Variants in CR1L observed in about 807,000 individuals in gnomAD.
The protein encoded by CR1L is complement component receptor 1-like protein.
A neutral mutation model predicts 62.3 loss-of-function variants in CR1L; 59 were observed. The ratio of observed to expected loss-of-function variants is 0.95; its 90% CI spans 0.77 to 1.18. The LOEUF (loss-of-function observed/expected upper bound fraction) is 1.18, where lower values mean the gene tolerates loss of function less well. Ranked by LOEUF, CR1L falls within the 50% of genes most tolerant of loss-of-function variation. The pLI is 0.00. For missense variants in CR1L, 700 were observed against 702.8 expected, an observed-to-expected ratio of 1.00 and a Z score of 0.04; for synonymous variants, 279 against 248.7, an observed-to-expected ratio of 1.12 and a Z score of -1.15.
chr1:207,653,723 TA>T (rs1297077129), intron 1 of CR1L, among the ~76,000 whole-genome samples: 1 of 152,222 alleles, frequency 6.6e-6, no homozygotes, highest in Non-Finnish European at 1.5e-5. Flanking sequence ...TTTAAAGTCA[TA>T]GATATTGGGG....
rs1023514242 is a variant in CR1L, at chr1:207,710,595, T to C, written c.1414+2332T>C. On this transcript the variant is annotated intron_variant, in intron 10 of 11. Coordinates refer to ENST00000508064, the MANE Select transcript of CR1L (RefSeq NM_175710.2). ...AGCGGCCCAGTCCCTCAGTGCATTATACCTAACAAATGCACACCTCCAAAT... is the reference window on the plus strand; with the variant it reads ...AGCGGCCCAGTCCCTCAGTGCATTACACCTAACAAATGCACACCTCCAAAT... The C allele has an allele frequency of 9.3e-6, 15 of 1,610,156 alleles. No homozygotes were observed. The Admixed American group carries it at 2.3e-4, about 25-fold the overall frequency.
intron 1 of CR1L, among the ~76,000 whole-genome samples, chr1:207,659,821 T>C (rs1249314101): frequency 2.0e-5 from 3 of 152,150 alleles, no homozygotes. Context: ...TTTCCCACAG[T>C]CTTCACAACC....
intron 9 of CR1L, among the ~76,000 whole-genome samples, chr1:207,707,936 C>T (rs958570839): frequency 6.6e-6 from 1 of 152,128 alleles, no homozygotes; most frequent in Non-Finnish European, 1.5e-5. Context: ...GTGCCAGGTA[C>T]AGTCCACAAT....
intron 4 of CR1L, among the ~76,000 whole-genome samples, chr1:207,687,651 T>C (rs943620413): frequency 3.3e-5 from 5 of 152,206 alleles, no homozygotes; most frequent in African/African-American, 1.2e-4. Context: ...GGAAGTCACT[T>C]TTGTTGCTGC....
rs148626585 is a variant in CR1L at position 207,663,048 on chromosome 1, C to T, written c.98-14341C>T. On this transcript the variant is annotated intron_variant, in intron 1 of 11. Coordinates refer to ENST00000508064, the MANE Select transcript of CR1L (RefSeq NM_175710.2). ...GTACCCGCTGTGTGAGGTGTCAGTC[C>T]GCCCCTACTGGGGGGTGCCTCCCAG... Among the ~76,000 whole-genome samples the T allele has an allele frequency of 6.1e-3, 930 of 152,250 alleles. 6 individuals are homozygous for T. The highest frequency in any genetic ancestry group is 0.021 in the African/African-American group (869 of 41,544).
At chr1:207,669,578 G>A in intron 1 of CR1L, 1 of 1,490,938 alleles carries the variant, frequency 6.7e-7, no homozygotes, top group East Asian at 2.4e-5. Flanking sequence ...GAAACGCTGG[G>A]GGGCGTGGGG....
intron 9 of CR1L, among the ~76,000 whole-genome samples, chr1:207,707,473 C>T (rs553657180): frequency 3.3e-4 from 50 of 152,062 alleles, no homozygotes; most frequent in African/African-American, 1.1e-3. Flanking sequence ...ACTAAAAATA[C>T]AAAAATTAGC....
rs1664155016 is a variant in CR1L at position 207,699,254 on chromosome 1, G to A, written c.1208G>A (p.Ser403Asn). 1.2e-6 allele frequency: 2 copies of A among 1,613,778 alleles called. No homozygotes were observed. The highest frequency in any genetic ancestry group is 1.7e-6 in the Non-Finnish European group (2 of 1,179,678). ...VLAGMESLWN[S>N]SVPVCERKSC... ...GCTGGAATGGAAAGCCTTTGGAATA[G>A]CAGTGTTCCAGTGTGTGAACGTAAG... Residue 403 changes from serine (S) to asparagine (N), a missense_variant, in exon 8 of 12, where the codon AGC (serine) becomes AAC (asparagine). Physicochemically the swap from Ser to Asn is conservative, Grantham distance 46. Coordinates refer to ENST00000508064, the MANE Select transcript of CR1L (RefSeq NM_175710.2).
At position 207,699,288 on chromosome 1, in the gene CR1L, G is replaced by T. The variant is rs1397565352; in HGVS notation, c.1228+14G>T. The T allele has an allele frequency of 4.3e-6, 7 of 1,613,498 alleles. No homozygotes were observed. The highest frequency in any genetic ancestry group is 5.9e-6 in the Non-Finnish European group (7 of 1,179,478). On this transcript the variant is annotated intron_variant, in intron 8 of 11. Coordinates refer to ENST00000508064, the MANE Select transcript of CR1L (RefSeq NM_175710.2). ...CAGTGTGTGAACGTAAGTAATAGGA[G>T]TAACATTTCAGGCCAATCTCTCCCC...
chr1:207,686,096 T>TTCCTCCCTCCCTCCCTCCC (rs1663900735), intron 4 of CR1L, among the ~76,000 whole-genome samples: 1 of 6,526 alleles, frequency 1.5e-4, no homozygotes. Flanking sequence ...TCCTCCCTCC[T>TTCCTCCCTCCCTCCCTCCC]TTCCTTCCTT....
chr1:207,720,088 G>A (rs907963178), intron 11 of CR1L, among the ~76,000 whole-genome samples: 56 of 152,200 alleles, frequency 3.7e-4, no homozygotes, highest in African/African-American at 1.3e-3. Context: ...GAATTAGAAT[G>A]GGCCAAATAA....
chr1:207,662,345 T>A (rs1663439277), intron 1 of CR1L, among the ~76,000 whole-genome samples: 1 of 152,206 alleles, frequency 6.6e-6, no homozygotes, highest in Admixed American at 6.5e-5. Flanking sequence ...TTTGTTCATT[T>A]CTTTTTATTC....
chr1:207,697,599 C>A lies in CR1L; in HGVS notation c.959C>A (p.Pro320His), dbSNP rs767267151. 6.2e-7 allele frequency: 1 copy of A among 1,613,774 alleles called. No homozygotes were observed. The highest frequency in any genetic ancestry group is 2.2e-5 in the East Asian group (1 of 44,892). Residue 320 changes from proline to histidine, a missense_variant, in exon 6 of 12, where the codon CCC (proline) becomes CAC (histidine). By Grantham distance (77) the Pro-to-His change is moderately conservative. Coordinates refer to ENST00000508064, the MANE Select transcript of CR1L (RefSeq NM_175710.2). ...CAGGAAGTGTTCTACAGCTGTGAGCCCGGCTACGACCTCAGAGGATCTACG... is the reference window on the plus strand; with the variant it reads ...CAGGAAGTGTTCTACAGCTGTGAGCACGGCTACGACCTCAGAGGATCTACG... ...PGQEVFYSCEPGYDLRGSTYL... is the reference protein window; with the variant it reads ...PGQEVFYSCEHGYDLRGSTYL...
At chr1:207,669,460 C>G in intron 1 of CR1L, 1 of 1,483,144 alleles carries the variant, frequency 6.7e-7, no homozygotes, top group Non-Finnish European at 9.3e-7. Flanking sequence ...GGTCTCTTCT[C>G]CGAGAAGCCG....
chr1:207,682,074 G>A (rs11801603), intron 3 of CR1L, among the ~76,000 whole-genome samples: 2,728 of 152,084 alleles, frequency 0.018, 71 homozygotes, highest in African/African-American at 0.061. Context: ...GCAGCAAACC[G>A]CCATGGCACA....
intron 1 of CR1L, chr1:207,669,275 T>G: frequency 1.9e-6 from 1 of 530,280 alleles, no homozygotes; most frequent in East Asian, 3.4e-5. Context: ...AACATGGCCT[T>G]GCCCATGAAG....
chr1:207,711,217 T>A (rs1450352992), intron 10 of CR1L: 1 of 216,376 alleles, frequency 4.6e-6, no homozygotes, highest in African/African-American at 2.3e-5. Context: ...ATAGCTGGCT[T>A]AGCAGCGGAG....
chr1:207,668,936 A>T (rs1663565070), intron 1 of CR1L, among the ~76,000 whole-genome samples: 2 of 150,920 alleles, frequency 1.3e-5, no homozygotes, highest in African/African-American at 2.5e-5. Flanking sequence ...AAAATCTTAC[A>T]ATGGCATGAC....
chr1:207,694,798 G>T (rs1339895283), intron 5 of CR1L, 47 bp downstream of exon 5: 1 of 1,611,414 alleles, frequency 6.2e-7, no homozygotes. Context: ...GACATGCATT[G>T]CTGTTGGATC....
Sources: gnomAD v4.1 joint callset for allele counts (sites outside exome capture counted in the v4.1 genomes callset) on GRCh38, gnomAD v4.1.1 for gene constraint, MANE v1.5 for transcripts, NCBI Gene and HGNC (gene_info 2026-07-23, HGNC 2026-07-21) for gene names.